Variants in RPS6KA2 observed in about 807,000 individuals in gnomAD.
RPS6KA2 encodes the protein ribosomal protein S6 kinase alpha-2.
In RPS6KA2, 42 loss-of-function variants were observed where a neutral mutation model predicts 91.8. That is an observed-to-expected ratio of 0.46 (90% CI 0.36 to 0.59). The LOEUF (loss-of-function observed/expected upper bound fraction) is 0.59, where lower values mean the gene tolerates loss of function less well. RPS6KA2 is among the 20% of genes least tolerant of loss of function. RPS6KA2 has a pLI of 0.00. For missense variants in RPS6KA2, 798 were observed against 978.5 expected (o/e 0.82, Z 2.46); for synonymous variants, 414 against 393.6 (o/e 1.05, Z -0.61).
chr6:166,701,922 C>A, intron 2 of RPS6KA2: 1 of 1,138,062 alleles, frequency 8.8e-7, no homozygotes, highest in Non-Finnish European at 1.3e-6. Context: ...GTGTCTTGCT[C>A]AATTTTTTTA....
intron 2 of RPS6KA2, among the ~76,000 whole-genome samples, chr6:166,647,986 A>G (rs1787696127): frequency 9.5e-6 from 1 of 104,726 alleles, no homozygotes; most frequent in African/African-American, 4.2e-5. Context: ...ATGCTCACAC[A>G]CACGCACATG....
rs183096795 is a variant in RPS6KA2 at position 166,581,564 on chromosome 6, C to T, written c.100-42780G>A. Among the ~76,000 whole-genome samples, 478 of 152,274 alleles carry T rather than the reference C, an allele frequency of 3.1e-3. 3 individuals carry two copies. The highest frequency in any genetic ancestry group is 0.011 in the African/African-American group (449 of 41,574). ...CAGCCTGTTGAGGCCACCGAGAGGC[C>T]GGCTTCGAGTATGCGGGGCAGTGGG... On this transcript the variant is annotated intron_variant, in intron 1 of 20. Coordinates refer to ENST00000265678, the MANE Select transcript of RPS6KA2 (RefSeq NM_021135.6).
intron 16 of RPS6KA2, among the ~76,000 whole-genome samples, chr6:166,430,190 G>A (rs1237775979): frequency 2.0e-5 from 3 of 151,618 alleles, no homozygotes; most frequent in Non-Finnish European, 4.4e-5. Context: ...GGCTGGTCGC[G>A]AACTCCTGAC....
Position 166,545,435 on chromosome 6 carries a change from A to T in RPS6KA2, c.100-6651T>A, listed in dbSNP as rs565604478. ...CCTCTTTGGGGAGAAGTCTCCGTTA[A>T]GCTACTCACTGAAGCTCCTCGGAAC... On this transcript the variant is annotated intron_variant, in intron 1 of 20. Coordinates refer to ENST00000265678, the MANE Select transcript of RPS6KA2 (RefSeq NM_021135.6). Among the ~76,000 whole-genome samples the T allele has an allele frequency of 1.4e-3, 219 of 152,268 alleles. 1 individual carries two copies. The highest frequency in any genetic ancestry group is 5.2e-3 in the African/African-American group (215 of 41,562).
chr6:166,641,222 G>A (rs528455411), intron 2 of RPS6KA2, among the ~76,000 whole-genome samples: 13 of 152,240 alleles, frequency 8.5e-5, no homozygotes, highest in African/African-American at 2.9e-4. Context: ...AGAGTCAGCA[G>A]AGACAACAAA....
At position 166,689,663 on chromosome 6, in the gene RPS6KA2, G is replaced by T. The variant is rs146519043; in HGVS notation, c.124-150879C>A. 3.9e-5 allele frequency among the ~76,000 whole-genome samples: 6 copies of T among 152,292 alleles called. No homozygotes were observed. In the East Asian group the frequency reaches 1.2e-3, roughly 29 times the overall value. ...GTGGGACAGGTGTGGGAGACTGAGT[G>T]CAGGCATCTCAGACAGCTGTTTGAA... On this transcript the variant is annotated intron_variant, in intron 2 of 21. Coordinates refer to the RPS6KA2 transcript ENST00000503859.
chr6:166,856,067 A>C (rs766744808), intron 2 of RPS6KA2, among the ~76,000 whole-genome samples: 1 of 152,224 alleles, frequency 6.6e-6, no homozygotes, highest in Admixed American at 6.5e-5. Context: ...ACTTGAGACT[A>C]GGAGCTCTTA....
intron 2 of RPS6KA2, among the ~76,000 whole-genome samples, chr6:166,748,678 G>A (rs867151028): frequency 1.6e-3 from 32 of 19,870 alleles, no homozygotes; most frequent in South Asian, 5.2e-3. Flanking sequence ...CCATCTCCTC[G>A]GTCCCCCATT....
intron 9 of RPS6KA2, among the ~76,000 whole-genome samples, chr6:166,489,628 A>G (rs1162864440): frequency 6.6e-6 from 1 of 152,068 alleles, no homozygotes; most frequent in Non-Finnish European, 1.5e-5. Flanking sequence ...AATTCAAACA[A>G]TGAGAATCAC....
chr6:166,663,796 C>T (rs1465282438), intron 2 of RPS6KA2, among the ~76,000 whole-genome samples: 5 of 152,134 alleles, frequency 3.3e-5, no homozygotes, highest in African/African-American at 9.7e-5. Flanking sequence ...CAGGCTTCGG[C>T]GCTGCACCCA....
chr6:166,763,152 C>T lies in RPS6KA2; in HGVS notation c.123+95048G>A, dbSNP rs567744596. 2.0e-5 allele frequency among the ~76,000 whole-genome samples: 3 copies of T among 152,238 alleles called. No homozygotes were observed. In the South Asian group the frequency reaches 6.2e-4, roughly 31 times the overall value. On this transcript the variant is annotated intron_variant, in intron 2 of 21. Transcript: ENST00000503859. ...AGAAGGAACCACATTTCCTGCCTTA[C>T]AGGTTTGGTTTCCAGACTTAGCTGA...
At chr6:166,808,116 CACA>C (rs1469772762) in intron 2 of RPS6KA2, among the ~76,000 whole-genome samples, 1 of 152,172 alleles carries the variant, frequency 6.6e-6, no homozygotes, top group African/African-American at 2.4e-5. Flanking sequence ...ACACCATGTT[CACA>C]ACAAGGCCAA....
At position 166,460,142 on chromosome 6, in the gene RPS6KA2, G is replaced by A. The variant is rs1038897442; in HGVS notation, c.973-591C>T. Among the ~76,000 whole-genome samples the A allele has an allele frequency of 7.2e-5, 11 of 152,360 alleles. No individual in the cohort carries two copies. In the East Asian group the frequency reaches 1.7e-3, roughly 24 times the overall value. On this transcript the variant is annotated intron_variant, in intron 11 of 20. Transcript: ENST00000265678. ...CTGCCTTGGGTGTCAGAATGAGGGC[G>A]CCCAGGCTCCTCGACAGGAGGACGC... is the stretch of plus-strand genomic sequence containing the variant.
intron 2 of RPS6KA2, among the ~76,000 whole-genome samples, chr6:166,793,319 G>A (rs995463914): frequency 1.0e-4 from 15 of 144,140 alleles, no homozygotes; most frequent in Non-Finnish European, 1.7e-4. Flanking sequence ...CCTCTTCAAG[G>A]AGAACTACAA....
chr6:166,798,876 G>C (rs760356457), intron 2 of RPS6KA2, among the ~76,000 whole-genome samples: 6 of 152,194 alleles, frequency 3.9e-5, no homozygotes, highest in Non-Finnish European at 8.8e-5. Flanking sequence ...GCACCAGAGA[G>C]AGCGCCCCTG....
At chr6:166,522,411 C>T (rs1027340954) in intron 3 of RPS6KA2, among the ~76,000 whole-genome samples, 3 of 152,216 alleles carry the variant, frequency 2.0e-5, no homozygotes, top group Non-Finnish European at 4.4e-5. Flanking sequence ...CTTCTGCACA[C>T]ACCTCTGTGG....
chr6:166,685,060 C>T (rs558335032), intron 2 of RPS6KA2, among the ~76,000 whole-genome samples: 7 of 152,346 alleles, frequency 4.6e-5, no homozygotes, highest in East Asian at 1.9e-4. Context: ...AAGGGCCAAC[C>T]GGCTTCCATG....
chr6:166,521,109 G>A (rs1015040846), intron 3 of RPS6KA2, among the ~76,000 whole-genome samples: 2 of 152,242 alleles, frequency 1.3e-5, no homozygotes, highest in Admixed American at 6.5e-5. Context: ...CTTCTGGAGG[G>A]AGCAGGTGGC....
intron 2 of RPS6KA2, among the ~76,000 whole-genome samples, chr6:166,677,208 C>T (rs143796305): frequency 2.1e-4 from 32 of 152,156 alleles, no homozygotes; most frequent in African/African-American, 6.5e-4. Flanking sequence ...AAAGACGGAA[C>T]GGAAGGACAT....
Sources: gnomAD v4.1 joint callset for allele counts (sites outside exome capture counted in the v4.1 genomes callset) on GRCh38, gnomAD v4.1.1 for gene constraint, MANE v1.5 for transcripts, NCBI Gene and HGNC (gene_info 2026-07-23, HGNC 2026-07-21) for gene names.